KSR2: variants seen among roughly 807,000 people sequenced by gnomAD.
The protein encoded by KSR2 is kinase suppressor of ras 2.
Under a neutral mutation model 107.8 loss-of-function variants are expected in KSR2, and 25 were observed. The ratio of observed to expected loss-of-function variants is 0.23; its 90% confidence interval spans 0.17 to 0.32. The LOEUF is 0.32. Ranked by LOEUF, KSR2 falls within the 10% of genes least tolerant of loss-of-function variation. The probability of loss-of-function intolerance (pLI) is 1.00; values close to 1 mark genes in which losing one functional copy is unlikely to be tolerated. For missense variants in KSR2, 887 were observed against 1,268.9 expected (o/e 0.70, Z 4.57); for synonymous variants, 480 against 507.0 (o/e 0.95, Z 0.71).
intron 5 of KSR2, among the ~76,000 whole-genome samples, chr12:117,610,115 C>T (rs1268596345): frequency 6.6e-6 from 1 of 152,028 alleles, no homozygotes; most frequent in Non-Finnish European, 1.5e-5. Flanking sequence ...TCTGAGTATG[C>T]TTTCTAGATA....
chr12:117,710,499 G>A (rs541567374), intron 4 of KSR2, among the ~76,000 whole-genome samples: 10 of 152,244 alleles, frequency 6.6e-5, no homozygotes, highest in East Asian at 5.8e-4. Flanking sequence ...GCAGAGGAGC[G>A]TGATGTTGGA....
At chr12:117,484,325 A>G in intron 16 of KSR2, 91 bp downstream of exon 16, 1 of 1,451,138 alleles carries the variant, frequency 6.9e-7, no homozygotes, top group Non-Finnish European at 9.4e-7. Context: ...ACCAACCCTG[A>G]GTCTAGGTCA....
chr12:117,541,455 T>C (rs1375062610), intron 9 of KSR2, among the ~76,000 whole-genome samples: 1 of 152,186 alleles, frequency 6.6e-6, no homozygotes, highest in African/African-American at 2.4e-5. Context: ...CTTTTTGCTT[T>C]CACCAGATGG....
At chr12:117,697,098 C>A (rs549698131) in intron 4 of KSR2, among the ~76,000 whole-genome samples, 34 of 152,252 alleles carry the variant, frequency 2.2e-4, no homozygotes, top group South Asian at 1.2e-3. Flanking sequence ...TGAAAAGCAC[C>A]CAGCACAGAG....
At chr12:117,818,914 G>C (rs921188295) in intron 3 of KSR2, among the ~76,000 whole-genome samples, 1 of 152,088 alleles carries the variant, frequency 6.6e-6, no homozygotes, top group South Asian at 2.1e-4. Flanking sequence ...GACATAAAAG[G>C]CTATCATGAA....
chr12:117,768,952 T>C (rs924135197), intron 3 of KSR2, among the ~76,000 whole-genome samples: 1 of 152,150 alleles, frequency 6.6e-6, no homozygotes, highest in Admixed American at 6.5e-5. Context: ...CAGGCTGATG[T>C]CCCAGTTGCT....
At chr12:117,933,509 A>G (rs76612040) in intron 1 of KSR2, among the ~76,000 whole-genome samples, 8,059 of 151,752 alleles carry the variant, frequency 0.053, 422 homozygotes, top group African/African-American at 0.14. Flanking sequence ...GGAGAATGGC[A>G]TGAACCCGGG....
In KSR2 at chr12:117,586,629, A is replaced by AAGAAAGAAAGAAAGAAAG. The variant is rs1555219139; in HGVS notation, c.1172-4271_1172-4270insCTTTCTTTCTTTCTTTCT. On this transcript the variant is annotated intron_variant, in intron 5 of 19. Transcript: ENST00000339824. ...AAAGAAAGAAAAGAAAAAAGAAAGA[A>AAGAAAGAAAGAAAGAAAG]AAAGAAAGAAAGAAAGAAAGAAAGA... Among the ~76,000 whole-genome samples the AAGAAAGAAAGAAAGAAAG allele has an allele frequency of 1.6e-3, 215 of 138,390 alleles. 2 individuals are homozygous for AAGAAAGAAAGAAAGAAAG. The highest frequency in any genetic ancestry group is 7.1e-3 in the Middle Eastern group (2 of 282). The allele number at this position is 138,390 out of a possible 152,430, so 90.8% of individuals were successfully genotyped here. A position where few individuals can be genotyped will look rare whatever the true frequency, so the allele number is the denominator to read the frequency against.
At chr12:117,945,239 T>A (rs1896145336) in intron 1 of KSR2, among the ~76,000 whole-genome samples, 1 of 152,048 alleles carries the variant, frequency 6.6e-6, no homozygotes, top group South Asian at 2.1e-4. Flanking sequence ...TATAGAACAC[T>A]CCACCCATCA....
intron 4 of KSR2, among the ~76,000 whole-genome samples, chr12:117,758,301 C>T (rs1481958979): frequency 6.6e-6 from 1 of 152,162 alleles, no homozygotes; most frequent in African/African-American, 2.4e-5. Context: ...CACCTCTACC[C>T]ATGACCCCCG....
At chr12:117,966,568 T>C (rs962561045) in intron 1 of KSR2, among the ~76,000 whole-genome samples, 8 of 151,538 alleles carry the variant, frequency 5.3e-5, no homozygotes, top group Non-Finnish European at 1.0e-4. Context: ...CACACAGACA[T>C]GCATCCTAGG....
intron 1 of KSR2, among the ~76,000 whole-genome samples, chr12:117,950,206 T>C (rs1322580364): frequency 1.3e-5 from 2 of 151,936 alleles, no homozygotes; most frequent in Non-Finnish European, 2.9e-5. Flanking sequence ...ACTCCTGAGA[T>C]CAGGCAATCC....
At chr12:117,469,311 G>C (rs868253515) in intron 19 of KSR2, among the ~76,000 whole-genome samples, 1 of 152,160 alleles carries the variant, frequency 6.6e-6, no homozygotes, top group South Asian at 2.1e-4. Flanking sequence ...GCTGGGCCTC[G>C]TGGAGGGGTA....
chr12:117,778,371 G>C (rs143010755), intron 3 of KSR2, among the ~76,000 whole-genome samples: 1 of 152,288 alleles, frequency 6.6e-6, no homozygotes, highest in Non-Finnish European at 1.5e-5. Flanking sequence ...GATTACAGGA[G>C]TGAGCTACTG....
In KSR2 at chr12:117,642,636, T is replaced by C. The variant is rs548582750; in HGVS notation, c.1171+24838A>G. 1.1e-3 allele frequency among the ~76,000 whole-genome samples: 172 copies of C among 152,368 alleles called. 1 individual carries two copies. The highest frequency in any genetic ancestry group is 3.8e-3 in the African/African-American group (157 of 41,590). ...CCAAAGGTTGTTACAAAGAAGACCATGCCCCTTGATACCTTACCAGGCTCT... is the reference window on the plus strand; with the variant it reads ...CCAAAGGTTGTTACAAAGAAGACCACGCCCCTTGATACCTTACCAGGCTCT... On this transcript the variant is annotated intron_variant, in intron 5 of 19. Coordinates refer to ENST00000339824, the MANE Select transcript of KSR2 (RefSeq NM_173598.6).
At chr12:117,866,855 C>T (rs1432847387) in intron 1 of KSR2, among the ~76,000 whole-genome samples, 2 of 151,356 alleles carry the variant, frequency 1.3e-5, no homozygotes, top group Admixed American at 6.6e-5. Flanking sequence ...AAAAATGAGT[C>T]GATTTAAAGA....
chr12:117,707,935 C>T (rs1886593548), intron 4 of KSR2, among the ~76,000 whole-genome samples: 1 of 152,172 alleles, frequency 6.6e-6, no homozygotes, highest in South Asian at 2.1e-4. Flanking sequence ...CCAAGAGATG[C>T]TGATAGATGT....
At chr12:117,618,109 T>G (rs1881982932) in intron 5 of KSR2, among the ~76,000 whole-genome samples, 1 of 152,206 alleles carries the variant, frequency 6.6e-6, no homozygotes, top group Non-Finnish European at 1.5e-5. Context: ...TAATTTGTGT[T>G]TCTGGATGAT....
intron 4 of KSR2, among the ~76,000 whole-genome samples, chr12:117,668,348 C>A (rs936678170): frequency 6.6e-6 from 1 of 152,330 alleles, no homozygotes; most frequent in Non-Finnish European, 1.5e-5. Context: ...CTACCAGGAG[C>A]CTCAGATGGT....
Sources: allele counts gnomAD v4.1 joint callset (sites outside exome capture counted in the v4.1 genomes callset), GRCh38; gene constraint gnomAD v4.1.1; transcripts MANE v1.5; gene names NCBI Gene and HGNC (gene_info 2026-07-23, HGNC 2026-07-21).